The following NXPH1 variants were observed in gnomAD, a reference collection of about 807,000 sequenced individuals.
NXPH1 encodes neurexophilin 1.
Under a neutral mutation model 23.7 loss-of-function variants are expected in NXPH1, and 5 were observed. That is an observed-to-expected ratio of 0.21 (90% confidence interval 0.11 to 0.44). NXPH1 has a LOEUF of 0.44. Ranked by LOEUF, NXPH1 falls within the 20% of genes least tolerant of loss-of-function variation. The probability of loss-of-function intolerance (pLI) is 0.99; values close to 1 mark genes in which losing one functional copy is unlikely to be tolerated. For synonymous variants in NXPH1, 144 were observed against 122.2 expected (o/e 1.18, Z -1.18); for missense variants, 324 against 321.6 (o/e 1.01, Z -0.06).
chr7:8,699,442 A>G (rs1303085601), intron 2 of NXPH1, among the ~76,000 whole-genome samples: 3 of 152,142 alleles, frequency 2.0e-5, no homozygotes, highest in Non-Finnish European at 4.4e-5. Flanking sequence ...CTCATCAAGT[A>G]CCAACAATAT....
At chr7:8,629,597 A>G (rs1383366432) in intron 2 of NXPH1, among the ~76,000 whole-genome samples, 2 of 152,176 alleles carry the variant, frequency 1.3e-5, no homozygotes, top group Non-Finnish European at 2.9e-5. Flanking sequence ...CATCGAGATT[A>G]CTAAAATTGC....
intron 2 of NXPH1, among the ~76,000 whole-genome samples, chr7:8,649,963 T>C (rs1399957697): frequency 6.6e-6 from 1 of 152,158 alleles, no homozygotes; most frequent in African/African-American, 2.4e-5. Flanking sequence ...GGGACTGAAA[T>C]ACTATGAAGT....
At chr7:8,741,041 A>G (rs2115227381) in intron 2 of NXPH1, among the ~76,000 whole-genome samples, 1 of 152,354 alleles carries the variant, frequency 6.6e-6, no homozygotes, top group African/African-American at 2.4e-5. Flanking sequence ...TTTAACAAAC[A>G]TCTTTCAATT....
At chr7:8,636,388 G>C (rs1298792502) in intron 2 of NXPH1, among the ~76,000 whole-genome samples, 1 of 152,178 alleles carries the variant, frequency 6.6e-6, no homozygotes, top group African/African-American at 2.4e-5. Context: ...TCATCAGTCA[G>C]CAGAATTTCC....
chr7:8,493,713 G>C (rs1817289443), intron 2 of NXPH1, among the ~76,000 whole-genome samples: 1 of 152,028 alleles, frequency 6.6e-6, no homozygotes, highest in Non-Finnish European at 1.5e-5. Flanking sequence ...TGATCAGAAA[G>C]ATTGTATTGT....
intron 2 of NXPH1, among the ~76,000 whole-genome samples, chr7:8,679,016 C>T (rs895658206): frequency 9.7e-5 from 13 of 134,220 alleles, no homozygotes; most frequent in African/African-American, 3.5e-4. Context: ...GGCACGATTT[C>T]GGCTCACTGC....
At chr7:8,500,731 C>T (rs1176343176) in intron 2 of NXPH1, among the ~76,000 whole-genome samples, 1 of 152,080 alleles carries the variant, frequency 6.6e-6, no homozygotes, top group Non-Finnish European at 1.5e-5. Context: ...CCAGCTGATG[C>T]ATTATCCATA....
intron 2 of NXPH1, among the ~76,000 whole-genome samples, chr7:8,625,829 T>C (rs1465977972): frequency 6.6e-6 from 1 of 152,162 alleles, no homozygotes; most frequent in Non-Finnish European, 1.5e-5. Flanking sequence ...GAAAGGATTT[T>C]GGCAAAGTGT....
At chr7:8,684,281 G>A (rs919325046) in intron 2 of NXPH1, among the ~76,000 whole-genome samples, 3 of 152,098 alleles carry the variant, frequency 2.0e-5, no homozygotes, top group Non-Finnish European at 4.4e-5. Context: ...CACATAGTAT[G>A]TGTGTGTTTC....
intron 2 of NXPH1, among the ~76,000 whole-genome samples, chr7:8,684,458 CCTTCAG>C (rs1052220392): frequency 6.6e-6 from 1 of 152,132 alleles, no homozygotes; most frequent in Admixed American, 6.6e-5. Flanking sequence ...TAGTCTCCTT[CCTTCAG>C]TATGTTTTAA....
At position 8,630,402 on chromosome 7, in the gene NXPH1, A is replaced by G. The variant is rs550700392; in HGVS notation, c.55-120606A>G. On this transcript the variant is annotated intron_variant, in intron 2 of 2. Transcript: ENST00000405863. ...AGGATTGGATATTGTTTCAGGTGCA[A>G]TGCTTCCTCATGGGAGCTCCCAAGT... Among the ~76,000 whole-genome samples, 8 of 152,212 alleles carry G rather than the reference A, an allele frequency of 5.3e-5. No individual in the cohort carries two copies. In the East Asian group the frequency reaches 7.7e-4, roughly 15 times the overall value.
rs571134456 is a variant in NXPH1, at chr7:8,594,500, A to G, written c.55-156508A>G. 9.2e-5 allele frequency among the ~76,000 whole-genome samples: 14 copies of G among 152,048 alleles called. 1 individual carries two copies. Among genetic ancestry groups the G allele is most frequent in the Non-Finnish European group, 1.9e-4 (13 of 67,970 alleles). ...CATCAGCAGCATAGATGCATAGTCT[A>G]TGTGCCTATAAAGCAGCCATTCAAG... On this transcript the variant is annotated intron_variant, in intron 2 of 2. Transcript: ENST00000405863.
intron 2 of NXPH1, among the ~76,000 whole-genome samples, chr7:8,707,362 G>A (rs1424689856): frequency 6.6e-6 from 1 of 152,040 alleles, no homozygotes; most frequent in Non-Finnish European, 1.5e-5. Flanking sequence ...TGTATTTACA[G>A]CATAATATTT....
intron 2 of NXPH1, among the ~76,000 whole-genome samples, chr7:8,509,839 A>G (rs1817585304): frequency 6.6e-6 from 1 of 152,136 alleles, no homozygotes; most frequent in African/African-American, 2.4e-5. Context: ...GTGGTGAGCA[A>G]TGGGAAGCTG....
At chr7:8,572,685 T>C (rs1016770719) in intron 2 of NXPH1, among the ~76,000 whole-genome samples, 1 of 152,070 alleles carries the variant, frequency 6.6e-6, no homozygotes, top group African/African-American at 2.4e-5. Flanking sequence ...TAGCATCTAA[T>C]ACATAATGGA....
Position 8,664,160 on chromosome 7 carries a change from A to G in NXPH1, c.55-86848A>G, listed in dbSNP as rs1192435670. ...TCTTCTCTTTTTCTCCCATCTTCCTAAAGAAAGCGAAGGGTAAGCTTATCC... is the reference window on the plus strand; with the variant it reads ...TCTTCTCTTTTTCTCCCATCTTCCTGAAGAAAGCGAAGGGTAAGCTTATCC... On this transcript the variant is annotated intron_variant, in intron 2 of 2. Transcript: ENST00000405863. Among the ~76,000 whole-genome samples, 6 of 152,110 alleles carry G rather than the reference A, an allele frequency of 3.9e-5. No homozygotes were observed. The South Asian group carries it at 1.2e-3, about 32-fold the overall frequency.
intron 2 of NXPH1, among the ~76,000 whole-genome samples, chr7:8,479,035 A>G (rs981898593): frequency 6.6e-6 from 1 of 152,156 alleles, no homozygotes; most frequent in African/African-American, 2.4e-5. Flanking sequence ...AGATATTGTC[A>G]TAAGAACTGG....
chr7:8,490,555 T>C (rs1436181711), intron 2 of NXPH1, among the ~76,000 whole-genome samples: 1 of 152,046 alleles, frequency 6.6e-6, no homozygotes, highest in East Asian at 1.9e-4. Flanking sequence ...GAAGTGATGA[T>C]TCATTTTTTG....
Position 8,685,951 on chromosome 7 carries a change from C to G in NXPH1, c.55-65057C>G, listed in dbSNP as rs548551897. Among the ~76,000 whole-genome samples, 9 of 152,210 alleles carry G rather than the reference C, an allele frequency of 5.9e-5. No individual in the cohort carries two copies. The East Asian group carries it at 1.7e-3, about 29-fold the overall frequency. Reference sequence around the variant, plus strand: ...TTGGTTGTAACACCAAGGATAAATGCTTGAGAAGATGGATACTCCAATTCT... The same window carrying G: ...TTGGTTGTAACACCAAGGATAAATGGTTGAGAAGATGGATACTCCAATTCT... On this transcript the variant is annotated intron_variant, in intron 2 of 2. Coordinates refer to ENST00000405863, the MANE Select transcript of NXPH1 (RefSeq NM_152745.3).
Sources: allele counts gnomAD v4.1 joint callset (sites outside exome capture counted in the v4.1 genomes callset), GRCh38; gene constraint gnomAD v4.1.1; transcripts MANE v1.5; gene names NCBI Gene and HGNC (gene_info 2026-07-23, HGNC 2026-07-21).